SFRP1: variants seen among roughly 807,000 people sequenced by gnomAD.
SFRP1 encodes secreted frizzled related protein 1.
SFRP1 carries 9 observed loss-of-function variants against 25.9 expected under a neutral mutation model. That is an observed-to-expected ratio of 0.35 (90% CI 0.21 to 0.61). The LOEUF (loss-of-function observed/expected upper bound fraction) is 0.61. Among genes scored for constraint, SFRP1 ranks in the 20% least tolerant of loss-of-function variants. The pLI is 0.78. For missense variants in SFRP1, 346 were observed against 418.2 expected (o/e 0.83, Z 1.51); for synonymous variants, 178 against 174.0 (o/e 1.02, Z -0.18).
At chr8:41,265,959 A>T (rs1346643110) in intron 2 of SFRP1, among the ~76,000 whole-genome samples, 4 of 152,156 alleles carry the variant, frequency 2.6e-5, no homozygotes, top group Non-Finnish European at 4.4e-5. Context: ...TGAGGTCAGG[A>T]GTTCGAGACC....
chr8:41,290,364 G>A (rs1189406878), intron 2 of SFRP1, among the ~76,000 whole-genome samples: 3 of 152,214 alleles, frequency 2.0e-5, no homozygotes, highest in Non-Finnish European at 4.4e-5. Context: ...CAGCCCTGAA[G>A]GCCCTCATAA....
At chr8:41,295,368 A>T (rs1803830666) in intron 2 of SFRP1, among the ~76,000 whole-genome samples, 1 of 151,930 alleles carries the variant, frequency 6.6e-6, no homozygotes, top group Admixed American at 6.5e-5. Context: ...CTCAAAAAAA[A>T]AGAAAAAAAA....
At chr8:41,288,202 A>T (rs756104514) in intron 2 of SFRP1, among the ~76,000 whole-genome samples, 34 of 149,560 alleles carry the variant, frequency 2.3e-4, no homozygotes, top group Non-Finnish European at 4.7e-4. Flanking sequence ...TACTAAAAAT[A>T]AAAAAATTAG....
intron 2 of SFRP1, among the ~76,000 whole-genome samples, chr8:41,295,495 C>T (rs1009345195): frequency 6.7e-6 from 1 of 150,000 alleles, no homozygotes; most frequent in Admixed American, 6.6e-5. Flanking sequence ...CACCACTGCA[C>T]ACCAGCCTCA....
chr8:41,267,719 C>G (rs1028507959), intron 2 of SFRP1, among the ~76,000 whole-genome samples: 1 of 152,206 alleles, frequency 6.6e-6, no homozygotes, highest in Non-Finnish European at 1.5e-5. Context: ...GATGAGAAAA[C>G]TGAGGCATAG....
chr8:41,304,256 C>A lies in SFRP1; in HGVS notation c.545-718G>T, dbSNP rs377487888. 5.9e-5 allele frequency among the ~76,000 whole-genome samples: 9 copies of A among 152,330 alleles called. No homozygotes were observed. The East Asian group carries it at 9.6e-4, about 16-fold the overall frequency. The stretch of plus-strand genomic sequence containing the variant: ...TGCATAACGTTGGAAGGCAGCTCCA[C>A]TGCCTGGGAGGAGATGTCTGAGGCC... On this transcript the variant is annotated intron_variant, in intron 1 of 2. Transcript: ENST00000220772.
At chr8:41,296,168 G>C (rs1803841433) in intron 2 of SFRP1, among the ~76,000 whole-genome samples, 1 of 152,200 alleles carries the variant, frequency 6.6e-6, no homozygotes, top group Non-Finnish European at 1.5e-5. Flanking sequence ...CTAGTGGCAG[G>C]CCAGACCCCA....
intron 1 of SFRP1, chr8:41,307,114 T>G: frequency 9.7e-7 from 1 of 1,026,404 alleles, no homozygotes; most frequent in Non-Finnish European, 1.3e-6. Flanking sequence ...GAGAAGGAAA[T>G]TCCCGCAGGC....
In SFRP1 at chr8:41,265,123, CCCA is replaced by C; in HGVS notation, c.*41_*43del. The C allele has an allele frequency of 2.8e-6, 1 of 354,602 alleles. No individual in the cohort carries two copies. The highest frequency in any genetic ancestry group is 2.6e-5 in the South Asian group (1 of 38,806). 22.0% of individuals were successfully genotyped at this position (354,602 alleles called of 1,614,324 possible). A position where few individuals can be genotyped will look rare whatever the true frequency, so the allele number is the denominator to read the frequency against. On this transcript the variant is annotated 3_prime_UTR_variant, in exon 3 of 3. Transcript: ENST00000220772. ...TTCCCGGGGCACTGTCCCCCCCGCT[CCCA>C]CCCCACCCGAGGCTCCCTCCCCACC...
intron 2 of SFRP1, among the ~76,000 whole-genome samples, chr8:41,283,043 G>A (rs187973745): frequency 1.0e-3 from 158 of 152,206 alleles, no homozygotes; most frequent in African/African-American, 1.7e-3. Flanking sequence ...TCACAGATAA[G>A]AACACTGCTG....
chr8:41,288,993 T>A (rs1185962734), intron 2 of SFRP1, among the ~76,000 whole-genome samples: 5 of 152,226 alleles, frequency 3.3e-5, no homozygotes, highest in African/African-American at 1.2e-4. Flanking sequence ...ATCCACAGTT[T>A]ATGCAATGCA....
chr8:41,292,236 C>T (rs190682005), intron 2 of SFRP1, among the ~76,000 whole-genome samples: 7 of 152,278 alleles, frequency 4.6e-5, no homozygotes, highest in East Asian at 3.9e-4. Flanking sequence ...TTCTTTGCAG[C>T]GAAGATCCCA....
chr8:41,277,053 G>A (rs965512256), intron 2 of SFRP1: 3 of 456,168 alleles, frequency 6.6e-6, no homozygotes, highest in Non-Finnish European at 8.8e-6. Context: ...AGCTAATGGT[G>A]CAAAATGAAA....
intron 1 of SFRP1, chr8:41,306,627 C>A: frequency 7.0e-7 from 1 of 1,437,654 alleles, no homozygotes; most frequent in Non-Finnish European, 9.4e-7. Context: ...ACCAAAACCA[C>A]TGAGGGGAAA....
intron 1 of SFRP1, among the ~76,000 whole-genome samples, chr8:41,307,803 A>G (rs1804017102): frequency 6.6e-6 from 1 of 152,116 alleles, no homozygotes; most frequent in Non-Finnish European, 1.5e-5. Context: ...CCGGTCCCTC[A>G]GGCTGTTAGG....
chr8:41,300,450 G>A (rs1430760896), intron 2 of SFRP1, among the ~76,000 whole-genome samples: 2 of 152,174 alleles, frequency 1.3e-5, no homozygotes, highest in African/African-American at 2.4e-5. Context: ...GAAGAAGGTA[G>A]TACAAGTGGA....
chr8:41,283,144 CT>C (rs1182312184), intron 2 of SFRP1, among the ~76,000 whole-genome samples: 15 of 152,280 alleles, frequency 9.9e-5, no homozygotes, highest in Non-Finnish European at 2.1e-4. Flanking sequence ...ATTTCAATAT[CT>C]TTATTAAGTT....
intron 2 of SFRP1, among the ~76,000 whole-genome samples, chr8:41,276,122 G>A (rs115877226): frequency 2.6e-5 from 4 of 152,080 alleles, no homozygotes; most frequent in Non-Finnish European, 5.9e-5. Context: ...TGCACCAGTC[G>A]CATGGGCCTG....
chr8:41,265,153 T>TCCC lies in SFRP1; in HGVS notation c.*13_*14insGGG. On this transcript the variant is annotated 3_prime_UTR_variant, in exon 3 of 3. Transcript: ENST00000220772. ...CCCACCCGAGGCTCCCTCCCCACCCTGCCCCCGGGAGAATCACTTAAACAC... is the reference window on the plus strand; with the variant it reads ...CCCACCCGAGGCTCCCTCCCCACCCTCCCGCCCCCGGGAGAATCACTTAAACAC... 8.7e-6 allele frequency: 1 copy of TCCC among 115,374 alleles called. No homozygotes were observed. Among genetic ancestry groups the TCCC allele is most frequent in the Non-Finnish European group, 1.6e-5 (1 of 63,230 alleles). The allele number at this position is 115,374 out of a possible 1,614,324, so 7.1% of individuals were successfully genotyped here.
Sources: gnomAD v4.1 joint callset for allele counts (sites outside exome capture counted in the v4.1 genomes callset) on GRCh38, gnomAD v4.1.1 for gene constraint, MANE v1.5 for transcripts, NCBI Gene and HGNC (gene_info 2026-07-23, HGNC 2026-07-21) for gene names.